The following RTN1 variants were observed in gnomAD, a reference collection of about 807,000 sequenced individuals.
RTN1 encodes reticulon-1.
A neutral mutation model predicts 65.5 loss-of-function variants in RTN1; 25 were observed. The ratio of observed to expected loss-of-function variants is 0.38; its 90% confidence interval spans 0.28 to 0.53. RTN1 has a LOEUF of 0.53. RTN1 is among the 20% of genes least tolerant of loss of function. The pLI is 0.79. For missense variants in RTN1, 983 were observed against 1,025.4 expected (o/e 0.96, Z 0.57); for synonymous variants, 471 against 447.6 (o/e 1.05, Z -0.66).
At chr14:59,820,356 G>GCTTTTTTTTTT (rs369129789) in intron 1 of RTN1, among the ~76,000 whole-genome samples, 1 of 79,354 alleles carries the variant, frequency 1.3e-5, no homozygotes, top group African/African-American at 4.7e-5. Flanking sequence ...CTTATTGATA[G>GCTTTTTTTTTT]TTTTTTTTTT....
intron 1 of RTN1, among the ~76,000 whole-genome samples, chr14:59,799,808 TG>T (rs1218270531): frequency 6.6e-6 from 1 of 152,126 alleles, no homozygotes; most frequent in Non-Finnish European, 1.5e-5. Flanking sequence ...GTCACTGGGC[TG>T]GGGTTGGCTG....
intron 1 of RTN1, among the ~76,000 whole-genome samples, chr14:59,772,740 C>A (rs1278716702): frequency 6.6e-6 from 1 of 152,026 alleles, no homozygotes; most frequent in Admixed American, 6.6e-5. Context: ...TATTGTTTAG[C>A]ATCTAAGATT....
intron 3 of RTN1, among the ~76,000 whole-genome samples, chr14:59,646,388 T>C (rs1882897148): frequency 1.3e-5 from 2 of 152,280 alleles, no homozygotes; most frequent in South Asian, 4.1e-4. Flanking sequence ...GAAAACATAT[T>C]TCAGGATATC....
intron 3 of RTN1, among the ~76,000 whole-genome samples, chr14:59,723,430 C>A (rs1167803345): frequency 6.6e-6 from 1 of 151,298 alleles, no homozygotes; most frequent in African/African-American, 2.4e-5. Context: ...CATGGTGAAA[C>A]CCCATCTCCA....
In RTN1 at chr14:59,829,727, A is replaced by G. The variant is rs146902904; in HGVS notation, c.241+40663T>C. Among the ~76,000 whole-genome samples the G allele has an allele frequency of 1.3e-5, 2 of 152,316 alleles. No homozygotes were observed. Among genetic ancestry groups the G allele is most frequent in the African/African-American group, 4.8e-5 (2 of 41,576 alleles). The stretch of plus-strand genomic sequence containing the variant: ...GGAGGCCCCACTCCTGTGCTTCCAC[A>G]AAGCAAGAGGAAGGAAATGTGGTGA... On this transcript the variant is annotated intron_variant, in intron 1 of 8. Transcript: ENST00000267484. This position sits in a 1 kb window ranked among gnomAD's most constrained non-coding sequence, Gnocchi z 4.3.
At chr14:59,832,115 T>C (rs1057477182) in intron 1 of RTN1, among the ~76,000 whole-genome samples, 2 of 152,154 alleles carry the variant, frequency 1.3e-5, no homozygotes, top group African/African-American at 2.4e-5. Context: ...TGAGGGGTTA[T>C]ACCACCAAAA....
chr14:59,676,130 A>C (rs941661367), intron 3 of RTN1, among the ~76,000 whole-genome samples: 3 of 152,234 alleles, frequency 2.0e-5, no homozygotes, highest in Non-Finnish European at 4.4e-5. Context: ...CAGACAGTCC[A>C]GAAACATCCA....
chr14:59,754,003 C>T (rs1885583828), intron 1 of RTN1, among the ~76,000 whole-genome samples: 2 of 152,110 alleles, frequency 1.3e-5, no homozygotes, highest in Admixed American at 1.3e-4. Context: ...TGGGAGGTGG[C>T]TGTTCTGGGA....
At chr14:59,597,829 G>T (rs1424828079) in intron 8 of RTN1, among the ~76,000 whole-genome samples, 1 of 152,176 alleles carries the variant, frequency 6.6e-6, no homozygotes, top group East Asian at 1.9e-4. Context: ...GGCAGAGGGA[G>T]TAATGAGTGC....
Position 59,622,740 on chromosome 14 carries a change from A to C in RTN1, c.1766-15248T>G, listed in dbSNP as rs368068891. Among the ~76,000 whole-genome samples the C allele has an allele frequency of 1.4e-4, 22 of 152,354 alleles. 3 individuals are homozygous for C. Among genetic ancestry groups the C allele is most frequent in the Admixed American group, 7.8e-4 (12 of 15,304 alleles). The stretch of plus-strand genomic sequence containing the variant: ...GTAAACATAGAGACCTTCAAAGATG[A>C]CATCTTCTAGTCATGAGTTTCATTT... On this transcript the variant is annotated intron_variant, in intron 3 of 8. Transcript: ENST00000267484.
At chr14:59,854,025 C>A (rs142322142) in intron 1 of RTN1, among the ~76,000 whole-genome samples, 5 of 151,852 alleles carry the variant, frequency 3.3e-5, no homozygotes, top group African/African-American at 4.8e-5. Flanking sequence ...CCACCACCTC[C>A]GGCTAATTTT....
chr14:59,719,517 T>G (rs1884604252), intron 3 of RTN1, among the ~76,000 whole-genome samples: 1 of 152,278 alleles, frequency 6.6e-6, no homozygotes, highest in Non-Finnish European at 1.5e-5. Flanking sequence ...GATTCAAGTC[T>G]GCTTTGGTAA....
intron 3 of RTN1, among the ~76,000 whole-genome samples, chr14:59,612,156 G>A (rs1205343505): frequency 6.6e-6 from 1 of 152,186 alleles, no homozygotes; most frequent in Non-Finnish European, 1.5e-5. Context: ...GTATTTTGCT[G>A]GGATGGAAAA....
intron 8 of RTN1, among the ~76,000 whole-genome samples, chr14:59,598,238 C>T (rs934861324): frequency 6.6e-6 from 1 of 152,162 alleles, no homozygotes. Context: ...GCAGGACCCA[C>T]TTGATCTGTT....
chr14:59,655,142 C>T (rs920282033), intron 3 of RTN1, among the ~76,000 whole-genome samples: 1 of 152,124 alleles, frequency 6.6e-6, no homozygotes, highest in East Asian at 1.9e-4. Flanking sequence ...CAATACTCAA[C>T]TGTATATCTA....
intron 2 of RTN1, among the ~76,000 whole-genome samples, chr14:59,729,592 G>A (rs1884857644): frequency 6.6e-6 from 1 of 152,188 alleles, no homozygotes; most frequent in South Asian, 2.1e-4. Flanking sequence ...CTAGAGCACG[G>A]AGAAATAAGA....
intron 1 of RTN1, among the ~76,000 whole-genome samples, chr14:59,775,974 T>C (rs1886042559): frequency 1.3e-5 from 2 of 152,170 alleles, no homozygotes; most frequent in South Asian, 4.1e-4. Flanking sequence ...TCTAATAATT[T>C]AACAATGAAA....
intron 1 of RTN1, among the ~76,000 whole-genome samples, chr14:59,791,085 A>G (rs1022283645): frequency 6.6e-6 from 1 of 151,940 alleles, no homozygotes; most frequent in Non-Finnish European, 1.5e-5. Context: ...AAATTTCTTT[A>G]TAGCGAAAAG....
chr14:59,674,547 G>A (rs904978531), intron 3 of RTN1, among the ~76,000 whole-genome samples: 26 of 152,194 alleles, frequency 1.7e-4, no homozygotes, highest in African/African-American at 5.3e-4. Context: ...CTCTAAAAAT[G>A]CTTTGAACTG....
Sources: gnomAD v4.1 joint callset for allele counts (sites outside exome capture counted in the v4.1 genomes callset) on GRCh38, gnomAD v4.1.1 for gene constraint, Gnocchi (gnomAD v3.1) non-coding constraint, MANE v1.5 for transcripts, NCBI Gene and HGNC (gene_info 2026-07-23, HGNC 2026-07-21) for gene names.